The following GALNT9 variants were observed in gnomAD, a reference collection of about 807,000 sequenced individuals.
GALNT9 encodes the protein polypeptide N-acetylgalactosaminyltransferase 9.
A neutral mutation model predicts 63.1 loss-of-function variants in GALNT9; 47 were observed. The ratio of observed to expected loss-of-function variants is 0.75; its 90% CI spans 0.59 to 0.95. The LOEUF (loss-of-function observed/expected upper bound fraction) is 0.95, where lower values mean the gene tolerates loss of function less well. Among genes scored for constraint, GALNT9 ranks in the 40% least tolerant of loss-of-function variants. The pLI, the probability that GALNT9 is intolerant of heterozygous loss-of-function variation, is 0.00. For synonymous variants in GALNT9, 396 were observed against 365.7 expected (o/e 1.08, Z -0.94); for missense variants, 829 against 874.8 (o/e 0.95, Z 0.66).
rs1354912721 is a variant in GALNT9, at chr12:132,315,603, C to T, written c.238+13363G>A. On this transcript the variant is annotated intron_variant, in intron 1 of 10. Coordinates refer to ENST00000328957, the MANE Select transcript of GALNT9 (RefSeq NM_001122636.2). This position sits in a 1 kb window ranked among gnomAD's most constrained non-coding sequence, Gnocchi z 6.1. ...GCCCCTTTCTGCCGTGGGATGTGGG[C>T]GAGGTTGCGCCGCGGCTGCTGATCT... Among the ~76,000 whole-genome samples the T allele has an allele frequency of 3.3e-5, 5 of 152,176 alleles. No individual in the cohort carries two copies. Among genetic ancestry groups the T allele is most frequent in the Non-Finnish European group, 5.9e-5 (4 of 68,040 alleles).
chr12:132,200,983 G>A (rs767532282), intron 8 of GALNT9, 141 bp downstream of exon 8: 59 of 789,912 alleles, frequency 7.5e-5, no homozygotes, highest in African/African-American at 2.9e-4. Context: ...AAGGCCTGTC[G>A]GGCCGAGTGG....
intron 5 of GALNT9, among the ~76,000 whole-genome samples, chr12:132,251,851 G>T (rs1200686437): frequency 1.3e-5 from 2 of 152,190 alleles, no homozygotes; most frequent in Non-Finnish European, 2.9e-5. Context: ...CCCACAGCCT[G>T]GGGGCCCCAC....
At chr12:132,278,677 T>G (rs540690226) in intron 2 of GALNT9, 1 of 152,216 alleles carries the variant, frequency 6.6e-6, no homozygotes, top group Non-Finnish European at 1.5e-5. Flanking sequence ...TGCGTGCTCT[T>G]CCATCGCGGG....
intron 6 of GALNT9, among the ~76,000 whole-genome samples, chr12:132,213,551 TCA>T (rs1179369357): frequency 3.3e-5 from 5 of 150,840 alleles, no homozygotes; most frequent in African/African-American, 4.9e-5. Flanking sequence ...ACAGGCGCAC[TCA>T]CACAGTCACA....
intron 6 of GALNT9, 86 bp downstream of exon 6, chr12:132,247,824 G>C (rs782182976): frequency 6.5e-7 from 1 of 1,535,540 alleles, no homozygotes; most frequent in Non-Finnish European, 8.8e-7. Flanking sequence ...CCCGGACACC[G>C]CGGCCTCACT....
At chr12:132,317,854 G>A (rs1593124205) in intron 1 of GALNT9, among the ~76,000 whole-genome samples, 1 of 152,212 alleles carries the variant, frequency 6.6e-6, no homozygotes, top group South Asian at 2.1e-4. Context: ...ATCCACGGTC[G>A]ACCTGGCACC....
intron 1 of GALNT9, among the ~76,000 whole-genome samples, chr12:132,295,993 G>GGCCTCCGGAACAGGGAGA (rs1158393057): frequency 7.7e-6 from 1 of 129,052 alleles, no homozygotes; most frequent in East Asian, 2.9e-4. Context: ...AAACAGGGAC[G>GGCCTCCGGAACAGGGAGA]GCCTCCGGAA....
In GALNT9 at chr12:132,197,802, T is replaced by C. The variant is rs1274266093; in HGVS notation, c.1655A>G (p.Asp552Gly). ...TCCCCAGAGGCTGACCTGGGTGAAG[T>C]CCCACAGCCGCTGTGTTGGCCGCGC... is the stretch of plus-strand genomic sequence containing the variant. ...DVARPTQRLW[D>G]FTQSGPIVSR... is the part of the protein sequence containing the mutation. Residue 552 changes from aspartate to glycine, a missense_variant, in exon 10 of 11, where the codon GAC becomes GGC. Physicochemically the swap from Asp to Gly is moderately conservative, Grantham distance 94. Coordinates refer to ENST00000328957, the MANE Select transcript of GALNT9 (RefSeq NM_001122636.2). 2 of 1,574,206 alleles carry C rather than the reference T, an allele frequency of 1.3e-6. No individual in the cohort carries two copies. Among genetic ancestry groups the C allele is most frequent in the Non-Finnish European group, 1.7e-6 (2 of 1,159,150 alleles).
intron 2 of GALNT9, among the ~76,000 whole-genome samples, chr12:132,276,937 T>C (rs563415659): frequency 6.6e-6 from 1 of 152,112 alleles, no homozygotes; most frequent in African/African-American, 2.4e-5. Flanking sequence ...CACACACATC[T>C]GTGGACACAC....
At chr12:132,255,717 T>G (rs1165307416) in intron 5 of GALNT9, among the ~76,000 whole-genome samples, 1 of 152,258 alleles carries the variant, frequency 6.6e-6, no homozygotes, top group Non-Finnish European at 1.5e-5. Flanking sequence ...ACTGAACCAG[T>G]GCACACCTGA....
At chr12:132,311,371 G>T (rs1881806096) in intron 1 of GALNT9, among the ~76,000 whole-genome samples, 1 of 152,156 alleles carries the variant, frequency 6.6e-6, no homozygotes, top group African/African-American at 2.4e-5. Context: ...AACCATCAAG[G>T]CCTGAACTCG....
chr12:132,219,519 G>T (rs569734589), intron 6 of GALNT9, among the ~76,000 whole-genome samples: 3 of 152,266 alleles, frequency 2.0e-5, no homozygotes, highest in Non-Finnish European at 2.9e-5. Flanking sequence ...GGTGCTGGGC[G>T]TGCGGCCAGG....
At position 132,238,319 on chromosome 12, in the gene GALNT9, T is replaced by C. The variant is rs1316756273; in HGVS notation, c.1077+9591A>G. Among the ~76,000 whole-genome samples, 34 of 141,270 alleles carry C rather than the reference T, an allele frequency of 2.4e-4. No individual in the cohort carries two copies. The highest frequency in any genetic ancestry group is 2.4e-3 in the Admixed American group (34 of 14,372). 92.7% of individuals were successfully genotyped at this position (141,270 alleles called of 152,430 possible). On this transcript the variant is annotated intron_variant, in intron 6 of 10. Transcript: ENST00000328957. The surrounding 1 kb of genome is among the most constrained non-coding windows in gnomAD (Gnocchi z 6.5). ...CCTTTGCAGGTAGCTCTGGGGTCAC[T>C]GGCGAGGGGGACAGAGCTGGATGGG...
intron 4 of GALNT9, 54 bp downstream of exon 4, chr12:132,260,894 G>C: frequency 6.8e-7 from 1 of 1,465,500 alleles, no homozygotes; most frequent in South Asian, 1.4e-5. Flanking sequence ...TTAGGAGGGG[G>C]ATGGTGGAGG....
chr12:132,204,271 C>A (rs1161397184), intron 6 of GALNT9, among the ~76,000 whole-genome samples: 1 of 152,210 alleles, frequency 6.6e-6, no homozygotes, highest in Non-Finnish European at 1.5e-5. Context: ...CCGTGTCGTT[C>A]CACTTAAGCA....
intron 1 of GALNT9, among the ~76,000 whole-genome samples, chr12:132,303,325 C>T (rs1555244035): frequency 2.6e-5 from 4 of 151,806 alleles, no homozygotes; most frequent in Admixed American, 1.3e-4. Context: ...AGGCAGCTGC[C>T]CAGAATCCAC....
Position 132,310,944 on chromosome 12 carries a change from G to A in GALNT9, c.238+18022C>T, listed in dbSNP as rs558218637. 3.6e-4 allele frequency among the ~76,000 whole-genome samples: 55 copies of A among 152,260 alleles called. 1 individual carries two copies. The South Asian group carries it at 5.6e-3, about 16-fold the overall frequency. On this transcript the variant is annotated intron_variant, in intron 1 of 10. Transcript: ENST00000328957. This position sits in a 1 kb window ranked among gnomAD's most constrained non-coding sequence, Gnocchi z 4.8. ...CCTGGGCACACGGTTCAGGGCACCC[G>A]CTCTCCCTGGGCATGTGGCGCTGGC... is the stretch of plus-strand genomic sequence containing the variant.
At chr12:132,248,114 A>G in intron 5 of GALNT9, 87 bp from the exon 6 acceptor site, 2 of 1,472,814 alleles carry the variant, frequency 1.4e-6, no homozygotes, top group Non-Finnish European at 9.0e-7. Flanking sequence ...AGCCTGGAAG[A>G]CCCCACCACC....
chr12:132,285,799 G>T (rs960581336), intron 2 of GALNT9, among the ~76,000 whole-genome samples: 1 of 152,188 alleles, frequency 6.6e-6, no homozygotes, highest in African/African-American at 2.4e-5. Context: ...AAGGATGCCC[G>T]CAGCCAAAAG....
Sources: allele counts gnomAD v4.1 joint callset (sites outside exome capture counted in the v4.1 genomes callset), GRCh38; gene constraint gnomAD v4.1.1; non-coding constraint Gnocchi (gnomAD v3.1); transcripts MANE v1.5; gene names NCBI Gene and HGNC (gene_info 2026-07-23, HGNC 2026-07-21).